The following LRP1B variants were observed in gnomAD, a reference collection of about 807,000 sequenced individuals.
The protein encoded by LRP1B is low-density lipoprotein receptor-related protein 1B.
LRP1B carries 217 observed loss-of-function variants against 556.6 expected under a neutral mutation model. The observed-to-expected ratio is 0.39, with a 90% confidence interval of 0.35 to 0.44. The LOEUF (loss-of-function observed/expected upper bound fraction) is 0.44. Ranked by LOEUF, LRP1B falls within the 20% of genes least tolerant of loss-of-function variation. The probability of loss-of-function intolerance (pLI) is 1.00; values close to 1 mark genes in which losing one functional copy is unlikely to be tolerated. For missense variants in LRP1B, 5,053 were observed against 5,620.8 expected (o/e 0.90, Z 3.23); for synonymous variants, 2,047 against 1,865.8 (o/e 1.10, Z -2.50).
At chr2:141,738,161 A>G (rs1257201732) in intron 2 of LRP1B, among the ~76,000 whole-genome samples, 3 of 152,178 alleles carry the variant, frequency 2.0e-5, no homozygotes, top group African/African-American at 7.2e-5. Context: ...AGAACATTAC[A>G]GATTTCTATA....
intron 1 of LRP1B, among the ~76,000 whole-genome samples, chr2:142,118,935 A>G (rs1439887459): frequency 1.3e-5 from 2 of 152,166 alleles, no homozygotes; most frequent in Non-Finnish European, 2.9e-5. Context: ...TGACTTTAGC[A>G]TTGAAATTTT....
chr2:141,493,614 A>G (rs1215367517), intron 2 of LRP1B, among the ~76,000 whole-genome samples: 1 of 152,176 alleles, frequency 6.6e-6, no homozygotes, highest in Non-Finnish European at 1.5e-5. Context: ...GCAGGCTGAC[A>G]GGCAAATAGG....
At chr2:141,703,210 G>A (rs1231573480) in intron 2 of LRP1B, among the ~76,000 whole-genome samples, 1 of 141,414 alleles carries the variant, frequency 7.1e-6, no homozygotes, top group Non-Finnish European at 1.5e-5. Context: ...TCTAACCTAA[G>A]GAAAGAATAT....
At chr2:140,990,875 T>C (rs1257974220) in intron 16 of LRP1B, among the ~76,000 whole-genome samples, 1 of 152,154 alleles carries the variant, frequency 6.6e-6, no homozygotes, top group Non-Finnish European at 1.5e-5. Context: ...CAAATGTTTA[T>C]ATTTGTTTTA....
intron 6 of LRP1B, among the ~76,000 whole-genome samples, chr2:141,212,202 G>T (rs1682585321): frequency 1.0e-5 from 1 of 99,734 alleles, no homozygotes; most frequent in African/African-American, 3.8e-5. Flanking sequence ...AAAAATTCTT[G>T]TATAAAATTT....
At chr2:141,662,047 A>G (rs953079550) in intron 2 of LRP1B, among the ~76,000 whole-genome samples, 1 of 152,206 alleles carries the variant, frequency 6.6e-6, no homozygotes, top group Non-Finnish European at 1.5e-5. Context: ...AAAGAAAGGA[A>G]TTTCCAATCG....
chr2:141,468,587 A>C (rs4395206), intron 3 of LRP1B, among the ~76,000 whole-genome samples: 150,460 of 152,200 alleles, frequency 0.99, 74,392 homozygotes, highest in East Asian at 1. Context: ...GAATAAAGAG[A>C]ATTTATACCT....
chr2:141,253,500 C>T (rs1684343254), intron 4 of LRP1B, among the ~76,000 whole-genome samples: 1 of 152,096 alleles, frequency 6.6e-6, no homozygotes, highest in South Asian at 2.1e-4. Context: ...TGAGCCTCTT[C>T]AGGATAAGAC....
At chr2:141,199,731 A>C (rs971633777) in intron 6 of LRP1B, among the ~76,000 whole-genome samples, 2 of 151,926 alleles carry the variant, frequency 1.3e-5, no homozygotes, top group African/African-American at 4.8e-5. Context: ...AATATCTAAA[A>C]TGTTTGTCCA....
chr2:140,303,802 TC>T (rs111420037), intron 83 of LRP1B, among the ~76,000 whole-genome samples: 50,057 of 151,098 alleles, frequency 0.33, 9,045 homozygotes, highest in Non-Finnish European at 0.42. Context: ...ATCCTATCCC[TC>T]CCCCCCTCCT....
intron 7 of LRP1B, among the ~76,000 whole-genome samples, chr2:141,098,067 C>T (rs1038550825): frequency 5.9e-5 from 9 of 152,108 alleles, no homozygotes; most frequent in African/African-American, 1.4e-4. Context: ...ATAAAAAGTG[C>T]TTCACACTTC....
chr2:141,813,240 C>T (rs1024495147), intron 1 of LRP1B, among the ~76,000 whole-genome samples: 1 of 151,964 alleles, frequency 6.6e-6, no homozygotes, highest in African/African-American at 2.4e-5. Flanking sequence ...AAAACAAAAC[C>T]GATGAACCAA....
At chr2:141,645,765 T>C (rs903536226) in intron 2 of LRP1B, among the ~76,000 whole-genome samples, 2 of 151,962 alleles carry the variant, frequency 1.3e-5, no homozygotes, top group African/African-American at 4.8e-5. Context: ...GACACCACTC[T>C]CCAAAGAGTG....
chr2:141,909,525 CAT>C (rs1699850385), intron 1 of LRP1B, among the ~76,000 whole-genome samples: 2 of 118,130 alleles, frequency 1.7e-5, no homozygotes, highest in Non-Finnish European at 3.3e-5. Context: ...AGGTCTCAGA[CAT>C]TTTTTTTTTT....
intron 3 of LRP1B, among the ~76,000 whole-genome samples, chr2:141,469,688 A>C (rs1208719633): frequency 1.3e-5 from 2 of 152,220 alleles, no homozygotes; most frequent in African/African-American, 4.8e-5. Context: ...ATCTCTTATG[A>C]GCTTTCTCTA....
intron 1 of LRP1B, among the ~76,000 whole-genome samples, chr2:142,094,113 G>C (rs1411462648): frequency 6.6e-6 from 1 of 151,988 alleles, no homozygotes; most frequent in Non-Finnish European, 1.5e-5. Context: ...TTTTATAAGG[G>C]CACTAATCTC....
At chr2:140,898,749 C>A in intron 23 of LRP1B, 1 of 572,766 alleles carries the variant, frequency 1.7e-6, no homozygotes, top group East Asian at 5.0e-5. Flanking sequence ...ACTCTCTACC[C>A]TCAAGACCCT....
intron 20 of LRP1B, among the ~76,000 whole-genome samples, chr2:140,942,492 A>G (rs1695430159): frequency 6.6e-6 from 1 of 152,090 alleles, no homozygotes; most frequent in Admixed American, 6.6e-5. Flanking sequence ...TAGTCATCAG[A>G]TTTTCCAAGG....
At chr2:140,483,630 ATATATATATATTTT>A (rs1317932591) in intron 59 of LRP1B, among the ~76,000 whole-genome samples, 1 of 46,306 alleles carries the variant, frequency 2.2e-5, no homozygotes, top group Admixed American at 3.6e-4. Flanking sequence ...ATATATATAT[ATATATATATATTTT>A]TTTTTTTTTT....
Sources: allele counts gnomAD v4.1 joint callset (sites outside exome capture counted in the v4.1 genomes callset), GRCh38; gene constraint gnomAD v4.1.1; transcripts MANE v1.5; gene names NCBI Gene and HGNC (gene_info 2026-07-23, HGNC 2026-07-21).